SNTG1: variants seen among roughly 807,000 people sequenced by gnomAD.
SNTG1 encodes the protein gamma-1-syntrophin.
A neutral mutation model predicts 74.7 loss-of-function variants in SNTG1; 39 were observed. The observed-to-expected ratio is 0.52, with a 90% confidence interval of 0.40 to 0.68. The LOEUF (loss-of-function observed/expected upper bound fraction) is 0.68, where lower values mean the gene tolerates loss of function less well. Ranked by LOEUF, SNTG1 falls within the 30% of genes least tolerant of loss-of-function variation. SNTG1 has a pLI of 0.00. For missense variants in SNTG1, 685 were observed against 609.5 expected, an observed-to-expected ratio of 1.12 and a Z score of -1.30; for synonymous variants, 254 against 217.1, an observed-to-expected ratio of 1.17 and a Z score of -1.49.
chr8:50,421,346 C>A (rs1245050277), intron 4 of SNTG1, among the ~76,000 whole-genome samples: 5 of 152,132 alleles, frequency 3.3e-5, no homozygotes, highest in African/African-American at 1.2e-4. Context: ...AAACAAGAGG[C>A]AAATTATTCA....
intron 4 of SNTG1, among the ~76,000 whole-genome samples, chr8:50,437,522 C>G (rs867900565): frequency 1.3e-5 from 2 of 152,030 alleles, no homozygotes; most frequent in Non-Finnish European, 2.9e-5. Context: ...ACACAGTTTC[C>G]GCAGAACAAG....
chr8:50,734,573 C>T (rs1371838691), intron 17 of SNTG1, among the ~76,000 whole-genome samples: 1 of 149,674 alleles, frequency 6.7e-6, no homozygotes, highest in Non-Finnish European at 1.5e-5. Context: ...GGATTTTGAA[C>T]TATGTTGTTT....
At chr8:50,361,067 G>A (rs1285429345) in intron 2 of SNTG1, among the ~76,000 whole-genome samples, 4 of 151,996 alleles carry the variant, frequency 2.6e-5, no homozygotes, top group Non-Finnish European at 5.9e-5. Flanking sequence ...ATTTACAACT[G>A]TACAAAAATA....
At chr8:50,006,943 G>A (rs1174861856) in intron 1 of SNTG1, among the ~76,000 whole-genome samples, 2 of 152,142 alleles carry the variant, frequency 1.3e-5, no homozygotes, top group African/African-American at 4.8e-5. Context: ...GCCTAGGGTA[G>A]GGGAGTCTTA....
chr8:49,972,495 C>T (rs183105042), intron 1 of SNTG1, among the ~76,000 whole-genome samples: 64 of 152,228 alleles, frequency 4.2e-4, no homozygotes, highest in African/African-American at 1.4e-3. Context: ...GCAATGGCAA[C>T]AAAAGCCAAA....
At chr8:50,308,455 C>G (rs1229631803) in intron 2 of SNTG1, among the ~76,000 whole-genome samples, 1 of 151,912 alleles carries the variant, frequency 6.6e-6, no homozygotes, top group Admixed American at 6.6e-5. Flanking sequence ...GCTATCTTAC[C>G]TCCTTTTGTG....
rs144016473 is a variant in SNTG1 at position 50,225,365 on chromosome 8, C to T, written c.-28+52730C>T. ...CTTATCTTAACCCAGACACTTATTTCGGTTGGTTCCAGGTCTTTAGATAAA... is the reference window on the plus strand; with the variant it reads ...CTTATCTTAACCCAGACACTTATTTTGGTTGGTTCCAGGTCTTTAGATAAA... On this transcript the variant is annotated intron_variant, in intron 2 of 18. Coordinates refer to ENST00000642720, the MANE Select transcript of SNTG1 (RefSeq NM_018967.5). Among the ~76,000 whole-genome samples the T allele has an allele frequency of 4.1e-3, 625 of 152,252 alleles. 2 individuals are homozygous for T. Among genetic ancestry groups the T allele is most frequent in the African/African-American group, 0.011 (448 of 41,550 alleles).
chr8:50,669,161 A>G (rs1391609208), intron 15 of SNTG1, among the ~76,000 whole-genome samples: 1 of 152,112 alleles, frequency 6.6e-6, no homozygotes, highest in Non-Finnish European at 1.5e-5. Context: ...TTCAAAAGCT[A>G]GCAGAAGGCA....
At chr8:50,520,640 A>C (rs1296235758) in intron 9 of SNTG1, among the ~76,000 whole-genome samples, 4 of 152,234 alleles carry the variant, frequency 2.6e-5, no homozygotes, top group Non-Finnish European at 5.9e-5. Context: ...TCAAAAGAAG[A>C]CATCTATGCA....
chr8:49,987,709 C>T (rs118090516), intron 1 of SNTG1, among the ~76,000 whole-genome samples: 4,462 of 134,812 alleles, frequency 0.033, 99 homozygotes, highest in African/African-American at 0.042. Flanking sequence ...AGTGTGGTGG[C>T]GTGATCTCGG....
intron 8 of SNTG1, among the ~76,000 whole-genome samples, chr8:50,480,972 T>C (rs2093734973): frequency 6.6e-6 from 1 of 152,220 alleles, no homozygotes; most frequent in South Asian, 2.1e-4. Context: ...ACACATAGTA[T>C]CCTCTTGTAT....
rs568830936 is a variant in SNTG1 at position 50,384,990 on chromosome 8, G to T, written c.-27-9222G>T. On this transcript the variant is annotated intron_variant, in intron 2 of 18. Coordinates refer to ENST00000642720, the MANE Select transcript of SNTG1 (RefSeq NM_018967.5). ...CTACTAATAGCCAATAGCAGAAAAA[G>T]AGCTGTCTCTTAAAAGGGAGTTGTT... Among the ~76,000 whole-genome samples, 3 of 152,236 alleles carry T rather than the reference G, an allele frequency of 2.0e-5. No individual in the cohort carries two copies. In the East Asian group the frequency reaches 5.8e-4, roughly 29 times the overall value.
intron 2 of SNTG1, among the ~76,000 whole-genome samples, chr8:50,268,175 A>G (rs544198218): frequency 6.6e-6 from 1 of 152,302 alleles, no homozygotes; most frequent in East Asian, 1.9e-4. Context: ...TCCACAGGAA[A>G]ATTATTTGGT....
chr8:50,304,962 G>C (rs1456210192), intron 2 of SNTG1, among the ~76,000 whole-genome samples: 1 of 152,046 alleles, frequency 6.6e-6, no homozygotes, highest in African/African-American at 2.4e-5. Context: ...GAGTGCAATG[G>C]CATGATCTCG....
At chr8:50,717,473 G>A (rs905986856) in intron 17 of SNTG1, among the ~76,000 whole-genome samples, 3 of 152,166 alleles carry the variant, frequency 2.0e-5, no homozygotes, top group East Asian at 1.9e-4. Context: ...AAATGAGATA[G>A]CATGTTAAAA....
At chr8:50,039,328 G>T (rs1311727661) in intron 1 of SNTG1, among the ~76,000 whole-genome samples, 2 of 151,846 alleles carry the variant, frequency 1.3e-5, no homozygotes, top group South Asian at 4.2e-4. Flanking sequence ...GGTGGCGGGC[G>T]CCTGTAGTCC....
chr8:50,140,755 A>G (rs576747666), intron 1 of SNTG1, among the ~76,000 whole-genome samples: 40 of 152,276 alleles, frequency 2.6e-4, no homozygotes, highest in African/African-American at 9.6e-4. Context: ...TGACATATCT[A>G]TCTTCATTCC....
intron 4 of SNTG1, among the ~76,000 whole-genome samples, chr8:50,416,048 G>A (rs1563356016): frequency 6.6e-6 from 1 of 152,092 alleles, no homozygotes; most frequent in Non-Finnish European, 1.5e-5. Flanking sequence ...TTTTTACAAT[G>A]TCAATGCTTT....
chr8:50,391,443 C>A (rs527516596), intron 2 of SNTG1, among the ~76,000 whole-genome samples: 1 of 152,226 alleles, frequency 6.6e-6, no homozygotes, highest in Non-Finnish European at 1.5e-5. Flanking sequence ...GGTGGATAAG[C>A]TTTTCGATGT....
Sources: gnomAD v4.1 joint callset for allele counts (sites outside exome capture counted in the v4.1 genomes callset) on GRCh38, gnomAD v4.1.1 for gene constraint, MANE v1.5 for transcripts, NCBI Gene and HGNC (gene_info 2026-07-23, HGNC 2026-07-21) for gene names.